The following KCNH1 variants were observed in gnomAD, a reference collection of about 807,000 sequenced individuals.
KCNH1 encodes potassium voltage-gated channel subfamily H member 1, also known as voltage-gated delayed rectifier potassium channel KCNH1.
In KCNH1, 27 loss-of-function variants were observed where a neutral mutation model predicts 69.2. The observed-to-expected ratio is 0.39, with a 90% CI of 0.29 to 0.54. The LOEUF is 0.54. KCNH1 is among the 20% of genes least tolerant of loss of function. The pLI, the probability that KCNH1 is intolerant of heterozygous loss-of-function variation, is 0.68. For synonymous variants in KCNH1, 456 were observed against 487.7 expected, an observed-to-expected ratio of 0.93 and a Z score of 0.86; for missense variants, 798 against 1,261.6, an observed-to-expected ratio of 0.63 and a Z score of 5.57.
chr1:210,877,280 T>A (rs1364392618), intron 7 of KCNH1, among the ~76,000 whole-genome samples: 1 of 152,110 alleles, frequency 6.6e-6, no homozygotes, highest in South Asian at 2.1e-4. Context: ...GGTGGAAGAC[T>A]GGGCTGCAGG....
At chr1:211,028,700 A>C (rs1689729183) in intron 5 of KCNH1, among the ~76,000 whole-genome samples, 1 of 152,142 alleles carries the variant, frequency 6.6e-6, no homozygotes, top group Admixed American at 6.5e-5. Flanking sequence ...AGTTAGGGGA[A>C]ATGGACCTCA....
intron 7 of KCNH1, among the ~76,000 whole-genome samples, chr1:210,899,210 T>G (rs956927862): frequency 3.9e-5 from 6 of 152,246 alleles, no homozygotes; most frequent in Middle Eastern, 6.8e-3. Context: ...CTCTCACAAA[T>G]GTACAGTGAG....
At chr1:210,816,185 T>C (rs941400491) in intron 7 of KCNH1, among the ~76,000 whole-genome samples, 1 of 152,186 alleles carries the variant, frequency 6.6e-6, no homozygotes, top group African/African-American at 2.4e-5. Context: ...ATACATTCCC[T>C]ATTTTATAAC....
chr1:211,056,434 T>A (rs534316723), intron 5 of KCNH1, among the ~76,000 whole-genome samples: 1 of 152,094 alleles, frequency 6.6e-6, no homozygotes, highest in South Asian at 2.1e-4. Flanking sequence ...CTGGACAGTA[T>A]CTCTGGACCC....
At chr1:211,027,132 T>C (rs1422306591) in intron 5 of KCNH1, among the ~76,000 whole-genome samples, 1 of 152,118 alleles carries the variant, frequency 6.6e-6, no homozygotes, top group Non-Finnish European at 1.5e-5. Flanking sequence ...CAAAATTATA[T>C]ATCAGAAATA....
At chr1:211,017,218 A>T (rs1689508800) in intron 6 of KCNH1, among the ~76,000 whole-genome samples, 2 of 152,170 alleles carry the variant, frequency 1.3e-5, no homozygotes, top group East Asian at 3.9e-4. Flanking sequence ...AAGTGGTAAT[A>T]GTTCTGTTTT....
intron 10 of KCNH1, among the ~76,000 whole-genome samples, chr1:210,715,781 G>C (rs1037410919): frequency 3.9e-5 from 6 of 152,084 alleles, no homozygotes; most frequent in South Asian, 2.1e-4. Flanking sequence ...GAAGGGAAAC[G>C]CTCTCTGAGT....
At chr1:210,719,712 A>T (rs4614299) in intron 10 of KCNH1, among the ~76,000 whole-genome samples, 1,620 of 150,264 alleles carry the variant, frequency 0.011, 10 homozygotes, top group Middle Eastern at 0.027. Context: ...AAAGTAAAAT[A>T]AAAAAAAAAT....
At chr1:211,014,407 C>G (rs954006008) in intron 6 of KCNH1, among the ~76,000 whole-genome samples, 1 of 152,124 alleles carries the variant, frequency 6.6e-6, no homozygotes, top group Non-Finnish European at 1.5e-5. Context: ...AAACGGCCTC[C>G]GAAACAGATT....
At chr1:210,912,093 T>C (rs1687243998) in intron 7 of KCNH1, among the ~76,000 whole-genome samples, 1 of 152,216 alleles carries the variant, frequency 6.6e-6, no homozygotes, top group South Asian at 2.1e-4. Context: ...GGTTATTTCA[T>C]GTCTCTGAAC....
chr1:210,787,968 T>C lies in KCNH1; in HGVS notation c.1915+9540A>G, dbSNP rs547572096. On this transcript the variant is annotated intron_variant, in intron 9 of 10. Coordinates refer to ENST00000271751, the MANE Select transcript of KCNH1 (RefSeq NM_172362.3). ...GCCATAAATGGTTAAGTTAAAGCAA[T>C]GGTTTGGAAACTTCATGACAATTCT... 3.9e-5 allele frequency among the ~76,000 whole-genome samples: 6 copies of C among 152,278 alleles called. No homozygotes were observed. The South Asian group carries it at 1.2e-3, about 32-fold the overall frequency.
intron 6 of KCNH1, among the ~76,000 whole-genome samples, chr1:210,959,313 T>A (rs1032600297): frequency 2.6e-5 from 4 of 152,114 alleles, no homozygotes; most frequent in African/African-American, 9.7e-5. Flanking sequence ...GGCACCCGCC[T>A]ATATGAGGTG....
intron 7 of KCNH1, among the ~76,000 whole-genome samples, chr1:210,904,360 T>C (rs1226131992): frequency 1.3e-5 from 2 of 151,890 alleles, no homozygotes; most frequent in Admixed American, 6.6e-5. Context: ...CCTTCCCCCA[T>C]GCTTCCCCAC....
At chr1:211,100,964 A>G (rs1464770083) in intron 3 of KCNH1, among the ~76,000 whole-genome samples, 1 of 151,506 alleles carries the variant, frequency 6.6e-6, no homozygotes, top group East Asian at 1.9e-4. Flanking sequence ...TGTCTCTTGA[A>G]CTCTCAATGC....
intron 7 of KCNH1, among the ~76,000 whole-genome samples, chr1:210,857,907 C>T (rs184621340): frequency 1.8e-4 from 27 of 152,114 alleles, no homozygotes; most frequent in African/African-American, 5.5e-4. Flanking sequence ...GAACCACATG[C>T]CTTTAGCCTA....
chr1:210,849,642 A>C (rs1685640192), intron 7 of KCNH1, among the ~76,000 whole-genome samples: 1 of 152,068 alleles, frequency 6.6e-6, no homozygotes, highest in African/African-American at 2.4e-5. Flanking sequence ...CTGGGATTAC[A>C]GGCATGAGCC....
chr1:210,682,323 C>CT lies in KCNH1; in HGVS notation c.*957dup, dbSNP rs1681288626. ...TATAAACATAGCACTTGCTACAGTT[C>CT]TGAGGTTGTGTGTGTCTGTGTGTCT... On this transcript the variant is annotated 3_prime_UTR_variant, in exon 11 of 11. Transcript: ENST00000271751. The CT allele has an allele frequency of 6.6e-6, 1 of 152,230 alleles. No individual in the cohort carries two copies. Among genetic ancestry groups the CT allele is most frequent in the Non-Finnish European group, 1.5e-5 (1 of 68,072 alleles). The allele number at this position is 152,230 out of a possible 1,614,324, so 9.4% of individuals were successfully genotyped here. A position where few individuals can be genotyped will look rare whatever the true frequency, so the allele number is the denominator to read the frequency against.
At chr1:211,095,307 A>G (rs936105727) in intron 3 of KCNH1, among the ~76,000 whole-genome samples, 1 of 152,224 alleles carries the variant, frequency 6.6e-6, no homozygotes, top group South Asian at 2.1e-4. Context: ...AGAAAGATCT[A>G]TGTACACACC....
At position 210,881,456 on chromosome 1, in the gene KCNH1, G is replaced by C. The variant is rs545264365; in HGVS notation, c.1462+38184C>G. ...GTATAGCCACTTTGGAAGACAGTCT[G>C]GTGATTTGTTACAATATTAAACATA... is the stretch of plus-strand genomic sequence containing the variant. On this transcript the variant is annotated intron_variant, in intron 7 of 10. Transcript: ENST00000271751. Among the ~76,000 whole-genome samples, 51 of 152,288 alleles carry C rather than the reference G, an allele frequency of 3.3e-4. 1 individual carries two copies. Among genetic ancestry groups the C allele is most frequent in the African/African-American group, 1.2e-3 (50 of 41,556 alleles).
Sources: gnomAD v4.1 joint callset for allele counts (sites outside exome capture counted in the v4.1 genomes callset) on GRCh38, gnomAD v4.1.1 for gene constraint, MANE v1.5 for transcripts, NCBI Gene and HGNC (gene_info 2026-07-23, HGNC 2026-07-21) for gene names.